The following TSNAX variants were observed in gnomAD, a reference collection of about 807,000 sequenced individuals.
TSNAX encodes translin associated factor X.
Under a neutral mutation model 33.0 loss-of-function variants are expected in TSNAX, and 12 were observed. The ratio of observed to expected loss-of-function variants is 0.36; its 90% CI spans 0.23 to 0.59. The LOEUF is 0.59. TSNAX is among the 20% of genes least tolerant of loss of function. TSNAX has a pLI of 0.74. For synonymous variants in TSNAX, 110 were observed against 117.2 expected, an observed-to-expected ratio of 0.94 and a Z score of 0.40; for missense variants, 267 against 341.3, an observed-to-expected ratio of 0.78 and a Z score of 1.72.
chr1:231,556,092 A>T (rs1046926572), intron 4 of TSNAX, among the ~76,000 whole-genome samples: 5 of 152,226 alleles, frequency 3.3e-5, no homozygotes, highest in African/African-American at 9.6e-5. Context: ...GGAGACAATG[A>T]TATGGTAAAA....
chr1:231,530,936 C>T lies in TSNAX; in HGVS notation c.121+1577C>T, dbSNP rs545999331. On this transcript the variant is annotated intron_variant, in intron 2 of 5. Transcript: ENST00000366639. ...CTTCTAAGGTGGTGTCCTCATTACC[C>T]GTCTGCTGAACTACAGTTTTTTGGT... Among the ~76,000 whole-genome samples, 155 of 150,608 alleles carry T rather than the reference C, an allele frequency of 1.0e-3. 1 individual carries two copies. Among genetic ancestry groups the T allele is most frequent in the African/African-American group, 3.5e-3 (144 of 41,006 alleles).
At chr1:231,556,204 A>C (rs1273603648) in intron 4 of TSNAX, among the ~76,000 whole-genome samples, 1 of 152,234 alleles carries the variant, frequency 6.6e-6, no homozygotes, top group Non-Finnish European at 1.5e-5. Context: ...AAATGGTTTT[A>C]GTGAATTTAT....
chr1:231,543,521 C>T (rs754963394), intron 4 of TSNAX, among the ~76,000 whole-genome samples: 9 of 152,030 alleles, frequency 5.9e-5, no homozygotes, highest in Non-Finnish European at 8.8e-5. Context: ...TGGACCATTT[C>T]GGATTTAGGA....
chr1:231,537,185 C>T (rs1440926057), intron 2 of TSNAX, 28 bp from the exon 3 acceptor site: 2 of 1,502,346 alleles, frequency 1.3e-6, no homozygotes, highest in South Asian at 2.3e-5. Context: ...ATAGAATATA[C>T]ATGCTTATGA....
In TSNAX at chr1:231,565,615, T is replaced by C. The variant is rs1445847116; in HGVS notation, c.*710T>C. The C allele has an allele frequency of 6.6e-6, 1 of 152,380 alleles. No homozygotes were observed. The highest frequency in any genetic ancestry group is 1.5e-5 in the Non-Finnish European group (1 of 68,350). The allele number at this position is 152,380 out of a possible 1,614,324, so 9.4% of individuals were successfully genotyped here. A position where few individuals can be genotyped will look rare whatever the true frequency, so the allele number is the denominator to read the frequency against. ...GGTATGTGCCTGTAATCCCAGCTAC[T>C]TGGGAGGCTGAGGCAGGAGACTCGC... is the stretch of plus-strand genomic sequence containing the variant. On this transcript the variant is annotated 3_prime_UTR_variant, in exon 6 of 6. Coordinates refer to ENST00000366639, the MANE Select transcript of TSNAX (RefSeq NM_005999.3).
At chr1:231,536,973 C>G (rs143075233) in intron 2 of TSNAX, 1 of 252,420 alleles carries the variant, frequency 4.0e-6, no homozygotes, top group Non-Finnish European at 7.6e-6. Flanking sequence ...GCTGGGACTA[C>G]AGGCACATGC....
chr1:231,531,342 G>A (rs959884168), intron 2 of TSNAX, among the ~76,000 whole-genome samples: 1 of 152,188 alleles, frequency 6.6e-6, no homozygotes, highest in Non-Finnish European at 1.5e-5. Context: ...CCGACTTGGT[G>A]ACCAACATGA....
At chr1:231,554,466 A>C (rs1412513641) in intron 4 of TSNAX, among the ~76,000 whole-genome samples, 2 of 152,312 alleles carry the variant, frequency 1.3e-5, no homozygotes, top group South Asian at 2.1e-4. Context: ...CCCCACCCTC[A>C]GAGTTCTAGG....
intron 1 of TSNAX, 112 bp downstream of exon 1, chr1:231,528,938 C>T: frequency 7.1e-7 from 1 of 1,403,340 alleles, no homozygotes; most frequent in Non-Finnish European, 1.0e-6. Flanking sequence ...CCCTTGTAGA[C>T]TCGGGGGCGG....
chr1:231,540,066 C>T (rs1021770035), intron 3 of TSNAX, among the ~76,000 whole-genome samples: 2 of 147,562 alleles, frequency 1.4e-5, no homozygotes, highest in African/African-American at 5.0e-5. Context: ...CCCAGCTACT[C>T]GGGAGGCTGA....
chr1:231,552,517 T>C (rs972697650), intron 4 of TSNAX, among the ~76,000 whole-genome samples: 2 of 150,910 alleles, frequency 1.3e-5, no homozygotes, highest in Non-Finnish European at 2.9e-5. Context: ...CAGTGATTGA[T>C]TTGGTGACGC....
In TSNAX at chr1:231,565,817, A is replaced by G. The variant is rs1351322093; in HGVS notation, c.*912A>G. On this transcript the variant is annotated 3_prime_UTR_variant, in exon 6 of 6. Transcript: ENST00000366639. ...GCTGATTTTAAGCCATTTAAAATTT[A>G]TATAAAACAACCTTCCATAAAAATT... 2 of 152,222 alleles carry G rather than the reference A, an allele frequency of 1.3e-5. No homozygotes were observed. The highest frequency in any genetic ancestry group is 2.4e-5 in the African/African-American group (1 of 41,464). The allele number at this position is 152,222 out of a possible 1,614,324, so 9.4% of individuals were successfully genotyped here.
chr1:231,543,573 G>T (rs866409439), intron 4 of TSNAX, among the ~76,000 whole-genome samples: 4 of 152,132 alleles, frequency 2.6e-5, no homozygotes, highest in Non-Finnish European at 5.9e-5. Context: ...CCTAAGATTT[G>T]CAGGAAGACT....
chr1:231,540,902 A>G (rs1249647414), intron 3 of TSNAX, among the ~76,000 whole-genome samples: 1 of 152,140 alleles, frequency 6.6e-6, no homozygotes, highest in Non-Finnish European at 1.5e-5. Context: ...GCTTTGCCCA[A>G]AGTTTGATGT....
intron 2 of TSNAX, among the ~76,000 whole-genome samples, chr1:231,531,086 G>A (rs982212399): frequency 2.0e-5 from 3 of 151,740 alleles, no homozygotes; most frequent in African/African-American, 7.3e-5. Flanking sequence ...AGCCTCCTGA[G>A]TAGCTGGGAC....
At chr1:231,532,255 GATC>G (rs1422956041) in intron 2 of TSNAX, among the ~76,000 whole-genome samples, 1 of 148,658 alleles carries the variant, frequency 6.7e-6, no homozygotes, top group African/African-American at 2.5e-5. Flanking sequence ...GCAGTGGCGT[GATC>G]TTGGCTCACT....
chr1:231,542,316 A>G, intron 3 of TSNAX, 165 bp from the exon 4 acceptor site: 5 of 651,130 alleles, frequency 7.7e-6, no homozygotes, highest in African/African-American at 1.9e-5. Flanking sequence ...ACAGTGTGTT[A>G]ATAACATTTT....
chr1:231,558,723 G>A (rs1303329138), intron 4 of TSNAX, among the ~76,000 whole-genome samples: 2 of 151,800 alleles, frequency 1.3e-5, no homozygotes, highest in East Asian at 1.9e-4. Flanking sequence ...GGAACTGGGC[G>A]GTGTCACCTA....
At chr1:231,534,879 A>C (rs114950498) in intron 2 of TSNAX, 1 of 152,234 alleles carries the variant, frequency 6.6e-6, no homozygotes, top group African/African-American at 2.4e-5. Flanking sequence ...AAATAATATA[A>C]TTTTAGCTAG....
Sources: allele counts gnomAD v4.1 joint callset (sites outside exome capture counted in the v4.1 genomes callset), GRCh38; gene constraint gnomAD v4.1.1; transcripts MANE v1.5; gene names NCBI Gene and HGNC (gene_info 2026-07-23, HGNC 2026-07-21).